The following ARHGAP42 variants were observed in gnomAD, a reference collection of about 807,000 sequenced individuals.
ARHGAP42 encodes the protein Rho GTPase activating protein 42.
A neutral mutation model predicts 125.0 loss-of-function variants in ARHGAP42; 63 were observed. The observed-to-expected ratio is 0.50, with a 90% CI of 0.41 to 0.62. The LOEUF (loss-of-function observed/expected upper bound fraction) is 0.62, where lower values mean the gene tolerates loss of function less well. Ranked by LOEUF, ARHGAP42 falls within the 20% of genes least tolerant of loss-of-function variation. ARHGAP42 has a pLI of 0.00. For missense variants in ARHGAP42, 766 were observed against 1,024.2 expected, an observed-to-expected ratio of 0.75 and a Z score of 3.44; for synonymous variants, 339 against 351.0, an observed-to-expected ratio of 0.97 and a Z score of 0.38.
At chr11:100,916,583 G>T (rs547438036) in intron 5 of ARHGAP42, among the ~76,000 whole-genome samples, 1 of 152,248 alleles carries the variant, frequency 6.6e-6, no homozygotes, top group East Asian at 1.9e-4. Flanking sequence ...AATATCTATT[G>T]TTAGTGAAGG....
At chr11:100,724,826 C>G (rs1200667420) in intron 1 of ARHGAP42, among the ~76,000 whole-genome samples, 1 of 114,094 alleles carries the variant, frequency 8.8e-6, no homozygotes, top group Non-Finnish European at 1.8e-5. Flanking sequence ...TTGTGCCCTA[C>G]TTTTTATTTC....
intron 3 of ARHGAP42, among the ~76,000 whole-genome samples, chr11:100,818,321 A>G (rs1428566276): frequency 6.6e-6 from 1 of 152,188 alleles, no homozygotes; most frequent in Non-Finnish European, 1.5e-5. Context: ...TGTGTAAGAC[A>G]AGGGTCCATT....
At chr11:100,883,664 T>C (rs1866015317) in intron 4 of ARHGAP42, among the ~76,000 whole-genome samples, 1 of 152,202 alleles carries the variant, frequency 6.6e-6, no homozygotes, top group South Asian at 2.1e-4. Context: ...AAAATGTTGA[T>C]ATTGTTATAT....
intron 22 of ARHGAP42, among the ~76,000 whole-genome samples, chr11:100,987,018 A>G (rs957601055): frequency 9.9e-5 from 15 of 152,108 alleles, no homozygotes; most frequent in Non-Finnish European, 1.9e-4. Context: ...GTTGCCATTT[A>G]TCATCAACTT....
At chr11:100,943,105 C>T (rs1354351801) in intron 9 of ARHGAP42, among the ~76,000 whole-genome samples, 1 of 151,890 alleles carries the variant, frequency 6.6e-6, no homozygotes, top group African/African-American at 2.4e-5. Flanking sequence ...AGCGGTGTAG[C>T]AGTGGGTTAC....
intron 1 of ARHGAP42, among the ~76,000 whole-genome samples, chr11:100,767,176 G>A (rs1862849316): frequency 6.6e-6 from 1 of 152,144 alleles, no homozygotes; most frequent in African/African-American, 2.4e-5. Flanking sequence ...TATTGAACAT[G>A]GACATCGTCA....
At chr11:100,758,772 A>G (rs1295962036) in intron 1 of ARHGAP42, among the ~76,000 whole-genome samples, 1 of 152,200 alleles carries the variant, frequency 6.6e-6, no homozygotes, top group Non-Finnish European at 1.5e-5. Flanking sequence ...AAGTATATTA[A>G]TATTATTCCC....
At chr11:100,763,399 A>G (rs1371115216) in intron 1 of ARHGAP42, among the ~76,000 whole-genome samples, 2 of 152,214 alleles carry the variant, frequency 1.3e-5, no homozygotes, top group South Asian at 2.1e-4. Context: ...AGATGAATAT[A>G]TACCTACCTT....
At chr11:100,946,141 A>G (rs772321809) in intron 10 of ARHGAP42, among the ~76,000 whole-genome samples, 1 of 152,002 alleles carries the variant, frequency 6.6e-6, no homozygotes, top group Non-Finnish European at 1.5e-5. Flanking sequence ...TCATGAACCA[A>G]CTTCTGCTAG....
intron 4 of ARHGAP42, among the ~76,000 whole-genome samples, chr11:100,907,300 A>G (rs1161328194): frequency 2.0e-5 from 3 of 152,190 alleles, no homozygotes; most frequent in African/African-American, 7.2e-5. Flanking sequence ...ATCCCTTCAT[A>G]TCCTTGACAT....
intron 8 of ARHGAP42, among the ~76,000 whole-genome samples, chr11:100,938,632 A>G (rs1376925894): frequency 6.6e-6 from 1 of 152,156 alleles, no homozygotes; most frequent in East Asian, 1.9e-4. Flanking sequence ...CACCTTCAGA[A>G]GTTCTTTCTT....
At chr11:100,976,022 C>T in intron 19 of ARHGAP42, 35 bp from the exon 20 acceptor site, 9 of 1,463,980 alleles carry the variant, frequency 6.1e-6, no homozygotes, top group Non-Finnish European at 8.1e-6. Flanking sequence ...TAGATAGTTA[C>T]AGTTGCTTTC....
chr11:100,772,960 C>A (rs1192183213), intron 2 of ARHGAP42, among the ~76,000 whole-genome samples: 1 of 152,186 alleles, frequency 6.6e-6, no homozygotes, highest in East Asian at 1.9e-4. Context: ...CCTCAGCCTC[C>A]TGAGTAACTG....
chr11:100,781,811 G>T (rs535559001), intron 2 of ARHGAP42, among the ~76,000 whole-genome samples: 3 of 152,074 alleles, frequency 2.0e-5, no homozygotes, highest in Non-Finnish European at 4.4e-5. Context: ...GTGAAGCTTG[G>T]TTTATTTTCC....
At chr11:100,860,857 A>G (rs896527378) in intron 4 of ARHGAP42, among the ~76,000 whole-genome samples, 2 of 152,190 alleles carry the variant, frequency 1.3e-5, no homozygotes, top group Non-Finnish European at 2.9e-5. Flanking sequence ...GAAGGACTAA[A>G]ATCAGAACCA....
chr11:100,696,757 G>A (rs955757223), intron 1 of ARHGAP42, among the ~76,000 whole-genome samples: 5 of 151,942 alleles, frequency 3.3e-5, no homozygotes, highest in Non-Finnish European at 2.9e-5. Flanking sequence ...GTGCACTACC[G>A]CCTCAAACTC....
intron 3 of ARHGAP42, among the ~76,000 whole-genome samples, chr11:100,845,747 C>A (rs1182748640): frequency 6.6e-6 from 1 of 152,032 alleles, no homozygotes; most frequent in Non-Finnish European, 1.5e-5. Context: ...ACCTTTTTGC[C>A]CAGTTGTCCT....
chr11:100,903,117 G>GCGCGCGCACACACACA (rs373508179), intron 4 of ARHGAP42, among the ~76,000 whole-genome samples: 1 of 131,942 alleles, frequency 7.6e-6, no homozygotes, highest in African/African-American at 2.8e-5. Context: ...TCCAAGATGC[G>GCGCGCGCACACACACA]CACACACACA....
At chr11:100,739,759 G>GGTGA (rs1164451684) in intron 1 of ARHGAP42, among the ~76,000 whole-genome samples, 1 of 152,102 alleles carries the variant, frequency 6.6e-6, no homozygotes, top group East Asian at 1.9e-4. Context: ...CAGGAAGTAG[G>GGTGA]GTGAGCATAA....
Sources: allele counts gnomAD v4.1 joint callset (sites outside exome capture counted in the v4.1 genomes callset), GRCh38; gene constraint gnomAD v4.1.1; transcripts MANE v1.5; gene names NCBI Gene and HGNC (gene_info 2026-07-23, HGNC 2026-07-21).